TMEM132D: variants seen among roughly 807,000 people sequenced by gnomAD.
The protein encoded by TMEM132D is transmembrane protein 132D.
In TMEM132D, 21 loss-of-function variants were observed where a neutral mutation model predicts 62.3. The observed-to-expected ratio is 0.34, with a 90% confidence interval of 0.24 to 0.49. TMEM132D has a LOEUF of 0.49. Among genes scored for constraint, TMEM132D ranks in the 20% least tolerant of loss-of-function variants. The pLI, the probability that TMEM132D is intolerant of heterozygous loss-of-function variation, is 0.99. For synonymous variants in TMEM132D, 621 were observed against 575.6 expected, an observed-to-expected ratio of 1.08 and a Z score of -1.13; for missense variants, 1,346 against 1,402.8, an observed-to-expected ratio of 0.96 and a Z score of 0.65.
chr12:129,360,123 G>A (rs573456168), intron 3 of TMEM132D, among the ~76,000 whole-genome samples: 19 of 152,116 alleles, frequency 1.2e-4, no homozygotes, highest in Non-Finnish European at 1.9e-4. Context: ...TGCACATGCT[G>A]CAGGACACCT....
chr12:129,490,553 C>G (rs1362348465), intron 3 of TMEM132D, among the ~76,000 whole-genome samples: 24 of 146,570 alleles, frequency 1.6e-4, no homozygotes, highest in Non-Finnish European at 3.3e-4. Flanking sequence ...CTCAGCCTCC[C>G]GAGTAGCTGG....
At chr12:129,575,013 C>A (rs1345529222) in intron 2 of TMEM132D, among the ~76,000 whole-genome samples, 1 of 151,704 alleles carries the variant, frequency 6.6e-6, no homozygotes, top group Non-Finnish European at 1.5e-5. Flanking sequence ...CTAAGGAAGG[C>A]AGCTCACTCT....
At chr12:129,365,510 C>T (rs1035291097) in intron 3 of TMEM132D, among the ~76,000 whole-genome samples, 7 of 151,902 alleles carry the variant, frequency 4.6e-5, no homozygotes, top group Non-Finnish European at 8.8e-5. Context: ...AAGCAGTCAA[C>T]GGGGTAGCAT....
intron 1 of TMEM132D, among the ~76,000 whole-genome samples, chr12:129,718,937 A>T (rs1868699001): frequency 6.6e-6 from 1 of 152,076 alleles, no homozygotes; most frequent in Admixed American, 6.6e-5. Context: ...ATCTATCTTA[A>T]TAAGAAAGCC....
intron 5 of TMEM132D, among the ~76,000 whole-genome samples, chr12:129,172,802 T>A (rs1252916795): frequency 6.6e-6 from 1 of 152,150 alleles, no homozygotes; most frequent in Non-Finnish European, 1.5e-5. Context: ...GGTCTCAAAC[T>A]CCCGGCCTCA....
intron 5 of TMEM132D, among the ~76,000 whole-genome samples, chr12:129,099,382 A>G (rs551677441): frequency 1.3e-5 from 2 of 152,286 alleles, no homozygotes; most frequent in African/African-American, 4.8e-5. Flanking sequence ...GGCAAAGGAG[A>G]AGCTTTCCTT....
rs7298928 is a variant in TMEM132D at position 129,195,291 on chromosome 12, G to A, written c.1443+14229C>T. On this transcript the variant is annotated intron_variant, in intron 5 of 8. Coordinates refer to ENST00000422113, the MANE Select transcript of TMEM132D (RefSeq NM_133448.3). ...GTTCCAAGAGTCATCAAGAAGCCCA[G>A]TGTGGCCAGAAGGAGAGTTGCAGGA... 9.0e-3 allele frequency among the ~76,000 whole-genome samples: 1,366 copies of A among 152,174 alleles called. 16 individuals are homozygous for A. Among genetic ancestry groups the A allele is most frequent in the African/African-American group, 0.031 (1,296 of 41,518 alleles).
intron 2 of TMEM132D, among the ~76,000 whole-genome samples, chr12:129,684,615 G>A (rs948167486): frequency 1.3e-5 from 2 of 152,084 alleles, no homozygotes; most frequent in African/African-American, 4.8e-5. Context: ...GTAACAGATA[G>A]AGATTGGAAA....
chr12:129,674,287 C>T (rs541023077), intron 2 of TMEM132D, among the ~76,000 whole-genome samples: 1 of 152,144 alleles, frequency 6.6e-6, no homozygotes, highest in Non-Finnish European at 1.5e-5. Context: ...GCACAGATGT[C>T]CCTTCTGGCA....
chr12:129,076,861 G>A (rs772610631), intron 8 of TMEM132D, among the ~76,000 whole-genome samples: 63 of 152,180 alleles, frequency 4.1e-4, no homozygotes, highest in Non-Finnish European at 5.0e-4. Flanking sequence ...CTTCCTTAAC[G>A]CCTAGCTGGT....
chr12:129,208,083 G>A (rs527720993), intron 5 of TMEM132D, among the ~76,000 whole-genome samples: 46 of 152,280 alleles, frequency 3.0e-4, no homozygotes, highest in South Asian at 6.2e-4. Flanking sequence ...CATATCGCCC[G>A]TGACCGCCCT....
intron 3 of TMEM132D, among the ~76,000 whole-genome samples, chr12:129,434,840 A>G (rs1232768365): frequency 6.6e-6 from 1 of 152,132 alleles, no homozygotes; most frequent in East Asian, 1.9e-4. Context: ...CTTCTCTTCT[A>G]GCTATTTTGA....
chr12:129,322,514 T>A (rs1289822934), intron 4 of TMEM132D, among the ~76,000 whole-genome samples: 1 of 152,138 alleles, frequency 6.6e-6, no homozygotes, highest in Non-Finnish European at 1.5e-5. Context: ...GACATTCCGT[T>A]TATTTTGTAG....
intron 1 of TMEM132D, among the ~76,000 whole-genome samples, chr12:129,708,311 G>A (rs1400070950): frequency 6.6e-6 from 1 of 152,094 alleles, no homozygotes; most frequent in Non-Finnish European, 1.5e-5. Flanking sequence ...CAGGAAGAGG[G>A]GAGTGATATA....
chr12:129,354,249 A>G (rs1869962146), intron 3 of TMEM132D, among the ~76,000 whole-genome samples: 1 of 152,052 alleles, frequency 6.6e-6, no homozygotes, highest in Admixed American at 6.6e-5. Context: ...AAAGAATAAG[A>G]CAAATCTTAT....
intron 4 of TMEM132D, among the ~76,000 whole-genome samples, chr12:129,219,917 T>C (rs1451423302): frequency 6.6e-6 from 1 of 152,190 alleles, no homozygotes; most frequent in Non-Finnish European, 1.5e-5. Context: ...ACAGTTCGCC[T>C]CTGTCTGCCA....
intron 1 of TMEM132D, among the ~76,000 whole-genome samples, chr12:129,873,675 G>C (rs969736289): frequency 6.6e-6 from 1 of 152,064 alleles, no homozygotes; most frequent in South Asian, 2.1e-4. Context: ...CAACCACAAG[G>C]GATCAAATGC....
At position 129,643,113 on chromosome 12, in the gene TMEM132D, C is replaced by T. The variant is rs146415588; in HGVS notation, c.968+56697G>A. ...CTAATTTTCGTATTTTTAGTAGAGACGGAGTTTTACCATGTTGACCAGGCT... is the reference window on the plus strand; with the variant it reads ...CTAATTTTCGTATTTTTAGTAGAGATGGAGTTTTACCATGTTGACCAGGCT... On this transcript the variant is annotated intron_variant, in intron 2 of 8. Coordinates refer to ENST00000422113, the MANE Select transcript of TMEM132D (RefSeq NM_133448.3). Among the ~76,000 whole-genome samples, 6 of 151,984 alleles carry T rather than the reference C, an allele frequency of 3.9e-5. No individual in the cohort carries two copies. The East Asian group carries it at 7.8e-4, about 20-fold the overall frequency.
At chr12:129,684,044 A>G (rs551533941) in intron 2 of TMEM132D, among the ~76,000 whole-genome samples, 29 of 152,216 alleles carry the variant, frequency 1.9e-4, no homozygotes, top group Non-Finnish European at 3.2e-4. Flanking sequence ...CTGGATGTGG[A>G]CATAGCCAAA....
Sources: gnomAD v4.1 joint callset for allele counts (sites outside exome capture counted in the v4.1 genomes callset) on GRCh38, gnomAD v4.1.1 for gene constraint, MANE v1.5 for transcripts, NCBI Gene and HGNC (gene_info 2026-07-23, HGNC 2026-07-21) for gene names.